Variants in ZEB2 observed in about 807,000 individuals in gnomAD.
ZEB2 encodes the protein zinc finger E-box binding homeobox 2, also known as zinc finger E-box-binding homeobox 2.
Under a neutral mutation model 99.9 loss-of-function variants are expected in ZEB2, and 6 were observed. The observed-to-expected ratio is 0.06, with a 90% confidence interval of 0.03 to 0.12. The LOEUF (loss-of-function observed/expected upper bound fraction) is 0.12, where lower values mean the gene tolerates loss of function less well. Among genes scored for constraint, ZEB2 ranks in the 10% least tolerant of loss-of-function variants. The pLI, the probability that ZEB2 is intolerant of heterozygous loss-of-function variation, is 1.00. For missense variants in ZEB2, 969 were observed against 1,502.8 expected (o/e 0.64, Z 5.87); for synonymous variants, 517 against 542.5 (o/e 0.95, Z 0.65).
intron 2 of ZEB2, among the ~76,000 whole-genome samples, chr2:144,487,482 AAG>A (rs774389246): frequency 6.6e-6 from 1 of 152,220 alleles, no homozygotes; most frequent in Non-Finnish European, 1.5e-5. Flanking sequence ...AGGAGAAAAA[AAG>A]AAGAGAAAAA....
chr2:144,438,020 A>G (rs930528633), intron 2 of ZEB2, among the ~76,000 whole-genome samples: 4 of 152,176 alleles, frequency 2.6e-5, no homozygotes, highest in African/African-American at 9.7e-5. Flanking sequence ...AGTCCCACGA[A>G]ATTAAACCAC....
chr2:144,458,278 A>G (rs1057138003), intron 2 of ZEB2, among the ~76,000 whole-genome samples: 1 of 152,118 alleles, frequency 6.6e-6, no homozygotes, highest in African/African-American at 2.4e-5. Context: ...TAACATCTTA[A>G]AATTACCTAA....
rs541917502 is a variant in ZEB2 at position 144,386,452 on chromosome 2, A to T, written c.*2999T>A. 2.6e-5 allele frequency: 4 copies of T among 152,164 alleles called. No individual in the cohort carries two copies. The highest frequency in any genetic ancestry group is 2.0e-4 in the Admixed American group (3 of 15,280). 9.4% of individuals were successfully genotyped at this position (152,164 alleles called of 1,614,324 possible). ...GTCACAATTCACAAGTGTTATCCTG[A>T]TATTTTCAGACTCAGGTATTCTGAG... On this transcript the variant is annotated 3_prime_UTR_variant, in exon 10 of 10. Coordinates refer to ENST00000627532, the MANE Select transcript of ZEB2 (RefSeq NM_014795.4).
At chr2:144,458,620 A>C (rs1279831724) in intron 2 of ZEB2, among the ~76,000 whole-genome samples, 2 of 152,198 alleles carry the variant, frequency 1.3e-5, no homozygotes, top group Admixed American at 1.3e-4. Flanking sequence ...GAATGAAAAA[A>C]AAATCTTGCC....
chr2:144,400,038 T>G lies in ZEB2; in HGVS notation c.1149A>C (p.Glu383Asp). 6.2e-7 allele frequency: 1 copy of G among 1,614,160 alleles called. No individual in the cohort carries two copies. ...LENGKPLSMSEQTGLLKIKTE... is the reference protein window; with the variant it reads ...LENGKPLSMSDQTGLLKIKTE... ...TTTTAATTTTAAGTAAGCCTGTCTG[T>G]TCAGACATACTAAGTGGTTTTCCAT... The change falls in exon 8 of 10, where the codon GAA (glutamate) becomes GAC (aspartate). Residue 383 changes from glutamate to aspartate, a missense_variant. This residue lies in a region of ZEB2 where 227 missense variants were observed against 278.2 expected (regional missense o/e 0.82). Transcript: ENST00000627532.
chr2:144,410,734 T>C (rs1022362376), intron 4 of ZEB2, among the ~76,000 whole-genome samples: 8 of 152,194 alleles, frequency 5.3e-5, no homozygotes, highest in Non-Finnish European at 1.2e-4. Context: ...TTTAGTGTCC[T>C]GCATGCTTTT....
Position 144,399,183 on chromosome 2 carries a change from C to A in ZEB2, c.2004G>T (p.Glu668Asp), listed in dbSNP as rs767506087. The change falls in exon 8 of 10, where the codon GAG becomes GAT. Residue 668 changes from glutamate (E) to aspartate (D), a missense_variant. Coordinates refer to ENST00000627532, the MANE Select transcript of ZEB2 (RefSeq NM_014795.4). This position sits in a 1 kb window ranked among gnomAD's most constrained non-coding sequence, Gnocchi z 5.6. ...TTTTCAGCAGTTCATCGGAGTTGGG[C>A]TCCATGTTCATAGCATAGTATGCTT... is the stretch of plus-strand genomic sequence containing the variant. ...VLKAYYAMNM[E>D]PNSDELLKIS... 84 of 1,614,024 alleles carry A rather than the reference C, an allele frequency of 5.2e-5. No individual in the cohort carries two copies. The East Asian group carries it at 1.8e-3, about 35-fold the overall frequency.
intron 6 of ZEB2, among the ~76,000 whole-genome samples, chr2:144,403,516 T>C (rs1573720613): frequency 1.3e-5 from 2 of 152,256 alleles, no homozygotes; most frequent in African/African-American, 4.8e-5. Context: ...TACACACTTC[T>C]TTTTCTATGA....
chr2:144,408,810 G>T (rs962694357), intron 4 of ZEB2, among the ~76,000 whole-genome samples: 2 of 152,168 alleles, frequency 1.3e-5, no homozygotes, highest in African/African-American at 4.8e-5. Flanking sequence ...GCTCAGGTGA[G>T]CCAATCTCAG....
At chr2:144,517,873 G>A in intron 1 of ZEB2, 2 of 499,438 alleles carry the variant, frequency 4.0e-6, no homozygotes, top group Non-Finnish European at 6.9e-6. Flanking sequence ...AACAAACAAC[G>A]CGAAACAGCC....
chr2:144,414,099 A>G (rs1352019172), intron 4 of ZEB2, among the ~76,000 whole-genome samples: 1 of 152,134 alleles, frequency 6.6e-6, no homozygotes, highest in Non-Finnish European at 1.5e-5. Flanking sequence ...CTGAGGCAAG[A>G]TTTTCAGTCT....
intron 4 of ZEB2, among the ~76,000 whole-genome samples, chr2:144,405,959 T>C (rs1187216971): frequency 6.6e-6 from 1 of 152,236 alleles, no homozygotes. Flanking sequence ...GTAGCTGTTA[T>C]ATTATTCTTT....
intron 2 of ZEB2, among the ~76,000 whole-genome samples, chr2:144,483,555 T>C (rs1393997490): frequency 6.6e-6 from 1 of 152,228 alleles, no homozygotes; most frequent in East Asian, 1.9e-4. Context: ...GCCAATATAA[T>C]TTGTTTGCAA....
chr2:144,429,816 T>A lies in ZEB2; in HGVS notation c.284A>T (p.His95Leu). Reference protein sequence around the residue: ...EDEIREGGVEHPWHNNEILQA... With the variant: ...EDEIREGGVELPWHNNEILQA... ...TAGAATCTCGTTGTTGTGCCAGGGG[T>A]GTTCCACTCCACCCTCCCTTATTTC... is the stretch of plus-strand genomic sequence containing the variant. Residue 95 changes from histidine to leucine, a missense_variant, in exon 3 of 10, where the codon CAC becomes CTC. Coordinates refer to ENST00000627532, the MANE Select transcript of ZEB2 (RefSeq NM_014795.4). 1 of 1,613,122 alleles carries A rather than the reference T, an allele frequency of 6.2e-7. No individual in the cohort carries two copies. Among genetic ancestry groups the A allele is most frequent in the Non-Finnish European group, 8.5e-7 (1 of 1,179,560 alleles).
At chr2:144,430,363 T>C (rs1023743075) in intron 2 of ZEB2, among the ~76,000 whole-genome samples, 3 of 151,934 alleles carry the variant, frequency 2.0e-5, no homozygotes, top group Non-Finnish European at 2.9e-5. Flanking sequence ...ACTTATAAAA[T>C]AGATCTACAA....
chr2:144,493,676 C>G (rs1704714763), intron 2 of ZEB2, among the ~76,000 whole-genome samples: 3 of 152,158 alleles, frequency 2.0e-5, no homozygotes, highest in African/African-American at 7.2e-5. Context: ...CAGCCTCTAG[C>G]AGACAGCACA....
chr2:144,397,703 C>T lies in ZEB2; in HGVS notation c.2886+598G>A, dbSNP rs139938137. The T allele has an allele frequency of 1.3e-3, 215 of 160,794 alleles. 2 individuals carry two copies. The highest frequency in any genetic ancestry group is 4.5e-3 in the African/African-American group (187 of 41,620). 10.0% of individuals were successfully genotyped at this position (160,794 alleles called of 1,614,324 possible). A position where few individuals can be genotyped will look rare whatever the true frequency, so the allele number is the denominator to read the frequency against. ...TCTCTCAGGCTGGAGTGCTGTGGCA[C>T]GATCTCTGCTCAGTGCAACCTCAGC... On this transcript the variant is annotated intron_variant, in intron 8 of 9. Coordinates refer to ENST00000627532, the MANE Select transcript of ZEB2 (RefSeq NM_014795.4).
intron 6 of ZEB2, among the ~76,000 whole-genome samples, chr2:144,402,457 C>A (rs1011490166): frequency 6.6e-6 from 1 of 152,138 alleles, no homozygotes; most frequent in Admixed American, 6.6e-5. Context: ...GAGGGACCAG[C>A]GCTCATATGT....
intron 2 of ZEB2, chr2:144,464,165 C>G (rs543356361): frequency 6.6e-6 from 1 of 152,282 alleles, no homozygotes; most frequent in East Asian, 1.9e-4. Flanking sequence ...GTTTGCCTTA[C>G]CTCTCTATCC....
Sources: gnomAD v4.1 joint callset for allele counts (sites outside exome capture counted in the v4.1 genomes callset) on GRCh38, gnomAD v4.1.1 for gene constraint, gnomAD v4.1.1 regional missense constraint, Gnocchi (gnomAD v3.1) non-coding constraint, MANE v1.5 for transcripts, NCBI Gene and HGNC (gene_info 2026-07-23, HGNC 2026-07-21) for gene names.